Variants in PSD3 observed in about 807,000 individuals in gnomAD.
PSD3 encodes pleckstrin and Sec7 domain containing 3.
A neutral mutation model predicts 105.5 loss-of-function variants in PSD3; 49 were observed. The ratio of observed to expected loss-of-function variants is 0.46; its 90% CI spans 0.37 to 0.59. PSD3 has a LOEUF of 0.59. Among genes scored for constraint, PSD3 ranks in the 20% least tolerant of loss-of-function variants. The pLI is 0.00. For synonymous variants in PSD3, 557 were observed against 457.8 expected (o/e 1.22, Z -2.77); for missense variants, 1,561 against 1,263.8 (o/e 1.24, Z -3.57).
rs1424723618 is a variant in PSD3 at position 18,923,238 on chromosome 8, G to C, written c.130+12796C>G. ...GTTTTAAGAAAGTTTAAAAATTTGT[G>C]TTGTGCCACATTCAAAGCTGTCCTG... On this transcript the variant is annotated intron_variant, in intron 2 of 15. Coordinates refer to ENST00000327040, the MANE Select transcript of PSD3 (RefSeq NM_015310.4). Among the ~76,000 whole-genome samples, 3 of 152,198 alleles carry C rather than the reference G, an allele frequency of 2.0e-5. No homozygotes were observed. In the East Asian group the frequency reaches 5.8e-4, roughly 29 times the overall value.
chr8:19,041,188 C>T (rs11993613), intron 1 of PSD3, among the ~76,000 whole-genome samples: 3,503 of 152,264 alleles, frequency 0.023, 146 homozygotes, highest in African/African-American at 0.079. Flanking sequence ...TAAGCCACCA[C>T]ACCCAACCTT....
intron 2 of PSD3, among the ~76,000 whole-genome samples, chr8:18,889,241 A>C (rs756883394): frequency 6.6e-6 from 1 of 151,452 alleles, no homozygotes; most frequent in Non-Finnish European, 1.5e-5. Context: ...GCCATCTTCA[A>C]CTCCTCAATT....
intron 2 of PSD3, among the ~76,000 whole-genome samples, chr8:18,902,227 G>C (rs757158153): frequency 2.1e-4 from 32 of 152,098 alleles, no homozygotes; most frequent in Admixed American, 6.5e-5. Context: ...AAGTCTTATA[G>C]GCTTTCTTCA....
intron 9 of PSD3, among the ~76,000 whole-genome samples, chr8:18,747,291 T>C (rs1417331751): frequency 2.2e-4 from 34 of 152,176 alleles, no homozygotes; most frequent in Admixed American, 2.2e-3. Context: ...AATTAGATAT[T>C]ACAAACAAGG....
intron 12 of PSD3, among the ~76,000 whole-genome samples, chr8:18,586,678 C>G (rs1305470156): frequency 1.3e-5 from 2 of 152,064 alleles, no homozygotes; most frequent in African/African-American, 4.8e-5. Flanking sequence ...CTTTCGAAGA[C>G]CAATTTGATT....
intron 9 of PSD3, among the ~76,000 whole-genome samples, chr8:18,706,602 T>C (rs895114999): frequency 1.3e-5 from 2 of 152,210 alleles, no homozygotes; most frequent in African/African-American, 4.8e-5. Context: ...GAAAAAGCCT[T>C]AGCTAATGGG....
intron 1 of PSD3, among the ~76,000 whole-genome samples, chr8:19,007,201 G>A (rs75313792): frequency 1.3e-5 from 2 of 151,804 alleles, no homozygotes; most frequent in African/African-American, 2.4e-5. Flanking sequence ...GCAGTGAGCC[G>A]AGATCTTGCC....
intron 1 of PSD3, among the ~76,000 whole-genome samples, chr8:18,958,786 AG>A (rs1294627725): frequency 1.3e-5 from 2 of 152,238 alleles, no homozygotes; most frequent in Non-Finnish European, 1.5e-5. Context: ...TTAGCAAACT[AG>A]GTATACAAAG....
intron 15 of PSD3, among the ~76,000 whole-genome samples, chr8:18,555,002 G>A (rs1800980624): frequency 6.6e-6 from 1 of 152,056 alleles, no homozygotes; most frequent in Non-Finnish European, 1.5e-5. Context: ...CGGACGTTGT[G>A]GAAACGTGGA....
intron 9 of PSD3, among the ~76,000 whole-genome samples, chr8:18,748,118 GA>G (rs1805174857): frequency 6.6e-6 from 1 of 151,998 alleles, no homozygotes; most frequent in Non-Finnish European, 1.5e-5. Flanking sequence ...TGCAGCATGT[GA>G]AAAAAGGACC....
chr8:18,753,453 GA>G (rs1187987686), intron 9 of PSD3, among the ~76,000 whole-genome samples: 2 of 152,180 alleles, frequency 1.3e-5, no homozygotes, highest in South Asian at 2.1e-4. Context: ...GCATTATCCA[GA>G]AAATACTTCC....
chr8:18,749,911 A>C (rs1324503689), intron 9 of PSD3, among the ~76,000 whole-genome samples: 1 of 152,184 alleles, frequency 6.6e-6, no homozygotes, highest in Non-Finnish European at 1.5e-5. Context: ...AAGCTTAATG[A>C]ACTTGAAGCA....
chr8:18,985,514 A>T (rs1825457452), intron 1 of PSD3, among the ~76,000 whole-genome samples: 1 of 152,222 alleles, frequency 6.6e-6, no homozygotes. Flanking sequence ...TGAAAGCTGC[A>T]ATAAAGCTAC....
intron 1 of PSD3, among the ~76,000 whole-genome samples, chr8:19,020,276 A>G (rs1390928177): frequency 2.6e-5 from 4 of 152,200 alleles, no homozygotes; most frequent in Non-Finnish European, 5.9e-5. Flanking sequence ...GGGATAAGGC[A>G]TAAGCAGTAC....
At chr8:18,767,099 T>C (rs186717234) in intron 8 of PSD3, among the ~76,000 whole-genome samples, 1 of 152,232 alleles carries the variant, frequency 6.6e-6, no homozygotes, top group African/African-American at 2.4e-5. Flanking sequence ...TACAGGAAAG[T>C]GTGAGACCCA....
At chr8:18,799,829 TG>T in intron 7 of PSD3, among the ~76,000 whole-genome samples, 1 of 152,312 alleles carries the variant, frequency 6.6e-6, no homozygotes, top group Non-Finnish European at 1.5e-5. Context: ...TACAATTAGT[TG>T]TTCTCGTTAC....
intron 2 of PSD3, among the ~76,000 whole-genome samples, chr8:18,875,386 CAAT>C (rs1817663990): frequency 2.0e-5 from 3 of 152,074 alleles, no homozygotes; most frequent in African/African-American, 7.2e-5. Context: ...TAGCTAAAAA[CAAT>C]AAAGAGCCTT....
At chr8:18,828,067 A>ATATATTTTTT (rs371473289) in intron 4 of PSD3, among the ~76,000 whole-genome samples, 2 of 118,896 alleles carry the variant, frequency 1.7e-5, no homozygotes, top group African/African-American at 7.0e-5. Context: ...ATATATATAT[A>ATATATTTTTT]TTTTTTTTTT....
chr8:18,616,725 G>C (rs956980583), intron 11 of PSD3, among the ~76,000 whole-genome samples: 1 of 145,968 alleles, frequency 6.9e-6, no homozygotes, highest in South Asian at 2.2e-4. Flanking sequence ...CCGGGTTCAC[G>C]CCATTCTCCT....
Sources: allele counts gnomAD v4.1 joint callset (sites outside exome capture counted in the v4.1 genomes callset), GRCh38; gene constraint gnomAD v4.1.1; transcripts MANE v1.5; gene names NCBI Gene and HGNC (gene_info 2026-07-23, HGNC 2026-07-21).